The following FRAS1 variants were observed in gnomAD, a reference collection of about 807,000 sequenced individuals.
FRAS1 encodes the protein extracellular matrix organizing protein FRAS1.
In FRAS1, 290 loss-of-function variants were observed where a neutral mutation model predicts 435.2. The ratio of observed to expected loss-of-function variants is 0.67; its 90% CI spans 0.61 to 0.73. The LOEUF is 0.73. Among genes scored for constraint, FRAS1 ranks in the 30% least tolerant of loss-of-function variants. The pLI, the probability that FRAS1 is intolerant of heterozygous loss-of-function variation, is 0.00. For synonymous variants in FRAS1, 1,800 were observed against 1,851.0 expected (o/e 0.97, Z 0.71); for missense variants, 4,860 against 5,001.5 (o/e 0.97, Z 0.85).
chr4:78,099,498 T>C (rs1475910598), intron 2 of FRAS1, among the ~76,000 whole-genome samples: 1 of 152,076 alleles, frequency 6.6e-6, no homozygotes, highest in Non-Finnish European at 1.5e-5. Flanking sequence ...AAATAGGAGG[T>C]AAATTAAAGA....
intron 12 of FRAS1, among the ~76,000 whole-genome samples, chr4:78,283,575 C>T (rs1219681071): frequency 6.6e-6 from 1 of 152,160 alleles, no homozygotes; most frequent in African/African-American, 2.4e-5. Context: ...AGTTTAGTCT[C>T]TCTTGGAGAA....
chr4:78,337,722 G>A lies in FRAS1; in HGVS notation c.2327G>A (p.Cys776Tyr). Residue 776 changes from cysteine to tyrosine, a missense_variant, in exon 20 of 74, where the codon TGC (cysteine) becomes TAC (tyrosine). By Grantham distance (194) the Cys-to-Tyr change is radical (BLOSUM62 -2). Coordinates refer to ENST00000512123, the MANE Select transcript of FRAS1 (RefSeq NM_025074.7). ...RQCHGPLESD[C>Y]ISCYPHISLT... ...TGTCATGGGCCGTTGGAGTCTGACT[G>A]CATCTCCTGTTACCCTCACATCTCT... 1 of 1,613,952 alleles carries A rather than the reference G, an allele frequency of 6.2e-7. No individual in the cohort carries two copies. Among genetic ancestry groups the A allele is most frequent in the Non-Finnish European group, 8.5e-7 (1 of 1,179,852 alleles).
chr4:78,363,724 A>G, intron 21 of FRAS1, 59 bp downstream of exon 21: 2 of 1,529,056 alleles, frequency 1.3e-6, no homozygotes, highest in African/African-American at 1.4e-5. Context: ...TTGGGGCAGT[A>G]GCTGGGAAGG....
chr4:78,475,086 C>T (rs955828272), intron 53 of FRAS1, among the ~76,000 whole-genome samples: 1 of 152,184 alleles, frequency 6.6e-6, no homozygotes, highest in Non-Finnish European at 1.5e-5. Context: ...ACCCACTGAC[C>T]TATTGTGATT....
intron 2 of FRAS1, among the ~76,000 whole-genome samples, chr4:78,172,809 T>C (rs1402174536): frequency 6.6e-6 from 1 of 152,012 alleles, no homozygotes; most frequent in Non-Finnish European, 1.5e-5. Context: ...AGAACATTAG[T>C]CTATTGAGAG....
intron 54 of FRAS1, among the ~76,000 whole-genome samples, chr4:78,477,033 A>G (rs1425793312): frequency 1.3e-5 from 2 of 151,646 alleles, no homozygotes; most frequent in East Asian, 3.9e-4. Flanking sequence ...AGTCCCTATA[A>G]GTTCACAATT....
intron 2 of FRAS1, among the ~76,000 whole-genome samples, chr4:78,117,356 T>A (rs1345663184): frequency 6.6e-6 from 1 of 152,182 alleles, no homozygotes; most frequent in Non-Finnish European, 1.5e-5. Flanking sequence ...TTCTCTATAT[T>A]TCCTACATTT....
At chr4:78,278,816 T>G (rs748126063) in intron 10 of FRAS1, 72 bp downstream of exon 10, 1 of 900,186 alleles carries the variant, frequency 1.1e-6, no homozygotes, top group Non-Finnish European at 1.8e-6. Context: ...GAACATTACC[T>G]TCTTGTTTCT....
At chr4:78,091,175 T>C (rs1401001715) in intron 2 of FRAS1, among the ~76,000 whole-genome samples, 6 of 152,128 alleles carry the variant, frequency 3.9e-5, no homozygotes, top group Admixed American at 2.0e-4. Context: ...TTCTACTACC[T>C]GTCTTCACCC....
chr4:78,191,215 G>T (rs1722518404), intron 2 of FRAS1, among the ~76,000 whole-genome samples: 1 of 152,176 alleles, frequency 6.6e-6, no homozygotes, highest in Non-Finnish European at 1.5e-5. Flanking sequence ...AAGACAAAGG[G>T]TGATCTACAG....
intron 69 of FRAS1, among the ~76,000 whole-genome samples, chr4:78,524,693 T>C (rs1053780593): frequency 1.2e-4 from 19 of 152,168 alleles, no homozygotes; most frequent in Non-Finnish European, 2.8e-4. Flanking sequence ...TTACTGTTTG[T>C]CAGAGAAGGT....
In FRAS1 at chr4:78,363,905, C is replaced by T; in HGVS notation, c.2576-3C>T. ...TTCTGTTGTGTCTCTTTTTCCTCTG[C>T]AGAATGCCACTCCTCCTGCAGAACC... On this transcript the variant is annotated splice_polypyrimidine_tract_variant and splice_region_variant and intron_variant, in intron 21 of 73. Coordinates refer to ENST00000512123, the MANE Select transcript of FRAS1 (RefSeq NM_025074.7). 1 of 1,605,850 alleles carries T rather than the reference C, an allele frequency of 6.2e-7. No homozygotes were observed. The highest frequency in any genetic ancestry group is 1.1e-5 in the South Asian group (1 of 89,458).
Position 78,278,673 on chromosome 4 carries a change from T to A in FRAS1, c.1000T>A (p.Leu334Ile). Residue 334 changes from leucine (L) to isoleucine (I), a missense_variant, in exon 10 of 74, where the codon TTA becomes ATA. Coordinates refer to ENST00000512123, the MANE Select transcript of FRAS1 (RefSeq NM_025074.7). ...TCTACAGGATGAAGAATTAATTCAC[T>A]TAGATGGAAAGTGTTGTCCTGAATG... ...ECARDEELIH[L>I]DGKCCPECIS... 1 of 1,599,650 alleles carries A rather than the reference T, an allele frequency of 6.3e-7. No homozygotes were observed. Among genetic ancestry groups the A allele is most frequent in the Non-Finnish European group, 8.6e-7 (1 of 1,167,028 alleles).
At chr4:78,061,533 T>C (rs556178003) in intron 1 of FRAS1, among the ~76,000 whole-genome samples, 1 of 152,304 alleles carries the variant, frequency 6.6e-6, no homozygotes, top group South Asian at 2.1e-4. Context: ...TCCCGGGTTT[T>C]TCCTATAAAT....
At chr4:78,489,397 GA>G (rs1230738875) in intron 59 of FRAS1, among the ~76,000 whole-genome samples, 2 of 151,940 alleles carry the variant, frequency 1.3e-5, no homozygotes, top group African/African-American at 2.4e-5. Context: ...ATAAACTAGA[GA>G]AAAAATGTTA....
intron 2 of FRAS1, among the ~76,000 whole-genome samples, chr4:78,142,847 G>T (rs1360432302): frequency 2.6e-5 from 4 of 152,060 alleles, no homozygotes. Context: ...AATGGCTGGA[G>T]TAATAACTAA....
At chr4:78,456,308 C>A (rs2645146) in intron 47 of FRAS1, among the ~76,000 whole-genome samples, 111,709 of 151,546 alleles carry the variant, frequency 0.74, 41,549 homozygotes, top group African/African-American at 0.79. Flanking sequence ...ACACCTGGCT[C>A]AATTTCGTAT....
chr4:78,159,785 G>T (rs1300792916), intron 2 of FRAS1, among the ~76,000 whole-genome samples: 1 of 152,168 alleles, frequency 6.6e-6, no homozygotes, highest in African/African-American at 2.4e-5. Context: ...GGAGGCTGAG[G>T]CAGGAGAATC....
chr4:78,441,060 T>G (rs1734639127), intron 40 of FRAS1, 102 bp from the exon 41 acceptor site: 1 of 1,121,362 alleles, frequency 8.9e-7, no homozygotes, highest in East Asian at 2.4e-5. Flanking sequence ...GAAGCAGAAT[T>G]GGTGCTAGAA....
Sources: allele counts gnomAD v4.1 joint callset (sites outside exome capture counted in the v4.1 genomes callset), GRCh38; gene constraint gnomAD v4.1.1; transcripts MANE v1.5; gene names NCBI Gene and HGNC (gene_info 2026-07-23, HGNC 2026-07-21).